AFAP1: variants seen among roughly 807,000 people sequenced by gnomAD.
AFAP1 encodes actin filament associated protein 1, also known as actin filament-associated protein 1.
AFAP1 carries 75 observed loss-of-function variants against 93.9 expected under a neutral mutation model. The ratio of observed to expected loss-of-function variants is 0.80; its 90% CI spans 0.66 to 0.97. AFAP1 has a LOEUF of 0.97. AFAP1 is among the 50% of genes least tolerant of loss of function. The pLI, the probability that AFAP1 is intolerant of heterozygous loss-of-function variation, is 0.00. For synonymous variants in AFAP1, 517 were observed against 430.7 expected (o/e 1.20, Z -2.48); for missense variants, 1,201 against 1,050.8 (o/e 1.14, Z -1.98).
chr4:7,818,966 C>CTT, intron 7 of AFAP1, 110 bp downstream of exon 7: 1 of 1,065,546 alleles, frequency 9.4e-7, no homozygotes, highest in East Asian at 2.7e-5. Flanking sequence ...TGCACTTTTT[C>CTT]TTTTTTAACT....
chr4:7,819,763 G>A (rs542411055), intron 6 of AFAP1, among the ~76,000 whole-genome samples: 1 of 152,288 alleles, frequency 6.6e-6, no homozygotes, highest in East Asian at 1.9e-4. Flanking sequence ...CCCAGGAGAA[G>A]ACAGACCCTA....
At chr4:7,818,265 G>C (rs570487600) in intron 7 of AFAP1, among the ~76,000 whole-genome samples, 97 of 152,228 alleles carry the variant, frequency 6.4e-4, no homozygotes, top group African/African-American at 2.3e-3. Flanking sequence ...CTCCGCCTGC[G>C]GCCCACACTG....
intron 1 of AFAP1, among the ~76,000 whole-genome samples, chr4:7,908,553 A>G (rs1239517437): frequency 6.6e-6 from 1 of 152,230 alleles, no homozygotes; most frequent in African/African-American, 2.4e-5. Context: ...TTAAATCTCA[A>G]CTTGTGGATT....
intron 11 of AFAP1, among the ~76,000 whole-genome samples, chr4:7,789,400 C>T (rs1347958203): frequency 4.8e-5 from 7 of 145,056 alleles, no homozygotes; most frequent in Non-Finnish European, 4.6e-5. Flanking sequence ...CCGCACCAGC[C>T]CCGGCTTTCC....
At chr4:7,859,022 C>T (rs532619653) in intron 3 of AFAP1, among the ~76,000 whole-genome samples, 4 of 152,320 alleles carry the variant, frequency 2.6e-5, no homozygotes, top group African/African-American at 9.6e-5. Context: ...CTCAACTCTC[C>T]GTCACTATCA....
intron 1 of AFAP1, among the ~76,000 whole-genome samples, chr4:7,927,601 G>A (rs749387858): frequency 2.0e-5 from 3 of 152,134 alleles, no homozygotes; most frequent in Non-Finnish European, 4.4e-5. Context: ...GAGGCAGGAG[G>A]ATCACTTGAG....
intron 1 of AFAP1, among the ~76,000 whole-genome samples, chr4:7,894,870 G>A: frequency 6.6e-6 from 1 of 152,216 alleles, no homozygotes; most frequent in South Asian, 2.1e-4. Flanking sequence ...ACGAGGGGAA[G>A]GAAGGGCCAT....
At chr4:7,768,612 G>A (rs1022031003) in intron 17 of AFAP1, among the ~76,000 whole-genome samples, 7 of 152,258 alleles carry the variant, frequency 4.6e-5, no homozygotes, top group Admixed American at 3.3e-4. Flanking sequence ...TGGCACTGGG[G>A]CTAAACGGTC....
chr4:7,913,504 T>C (rs950708200), intron 1 of AFAP1, among the ~76,000 whole-genome samples: 3 of 152,196 alleles, frequency 2.0e-5, no homozygotes, highest in Admixed American at 6.5e-5. Flanking sequence ...GCTTGAAAGT[T>C]TGAAAAACAT....
In AFAP1 at chr4:7,760,527, C is replaced by A; in HGVS notation, c.*3238G>T. ...GGAAGCCGAGGGAGAGAGCTACCAG[C>A]CTTGCAGACAGATGGGCCTTGCCCC... On this transcript the variant is annotated 3_prime_UTR_variant, in exon 18 of 18. Coordinates refer to ENST00000420658, the MANE Select transcript of AFAP1 (RefSeq NM_001134647.2). The A allele has an allele frequency of 6.6e-6, 1 of 152,396 alleles. No homozygotes were observed. The highest frequency in any genetic ancestry group is 1.5e-5 in the Non-Finnish European group (1 of 68,096). 9.4% of individuals were successfully genotyped at this position (152,396 alleles called of 1,614,324 possible). A position where few individuals can be genotyped will look rare whatever the true frequency, so the allele number is the denominator to read the frequency against.
At chr4:7,832,906 GAC>G (rs747804525) in intron 6 of AFAP1, among the ~76,000 whole-genome samples, 2 of 152,288 alleles carry the variant, frequency 1.3e-5, no homozygotes, top group South Asian at 4.1e-4. Flanking sequence ...GTGGGGAAAA[GAC>G]ACCCTTTTCA....
intron 6 of AFAP1, among the ~76,000 whole-genome samples, chr4:7,823,703 A>G (rs1721177174): frequency 6.6e-6 from 1 of 152,198 alleles, no homozygotes; most frequent in South Asian, 2.1e-4. Flanking sequence ...AATGCTTAGA[A>G]TGGGGAACAC....
At chr4:7,808,717 G>A (rs1719749441) in intron 9 of AFAP1, among the ~76,000 whole-genome samples, 1 of 152,178 alleles carries the variant, frequency 6.6e-6, no homozygotes, top group East Asian at 1.9e-4. Context: ...CTTGGGTCAT[G>A]GGAGCAGATC....
intron 9 of AFAP1, among the ~76,000 whole-genome samples, chr4:7,808,083 C>T (rs1719685447): frequency 6.6e-6 from 1 of 152,136 alleles, no homozygotes; most frequent in African/African-American, 2.4e-5. Context: ...GGGGTGGGGG[C>T]AACTAGAATG....
chr4:7,911,066 C>T (rs571639312), intron 1 of AFAP1, among the ~76,000 whole-genome samples: 1 of 152,240 alleles, frequency 6.6e-6, no homozygotes, highest in Non-Finnish European at 1.5e-5. Flanking sequence ...ACGGGACACA[C>T]AGCCCATCTG....
chr4:7,837,317 A>G (rs890113747), intron 6 of AFAP1, among the ~76,000 whole-genome samples: 5 of 152,152 alleles, frequency 3.3e-5, no homozygotes, highest in Admixed American at 3.3e-4. Flanking sequence ...ATGACGCAGA[A>G]CCTCTGGGAG....
At chr4:7,834,376 G>C (rs962861573) in intron 6 of AFAP1, among the ~76,000 whole-genome samples, 2 of 152,202 alleles carry the variant, frequency 1.3e-5, no homozygotes, top group African/African-American at 2.4e-5. Flanking sequence ...TGGGAAGGAG[G>C]TAAGGGATAA....
intron 16 of AFAP1, among the ~76,000 whole-genome samples, chr4:7,770,786 G>A (rs1438241596): frequency 6.6e-6 from 1 of 152,170 alleles, no homozygotes; most frequent in East Asian, 1.9e-4. Flanking sequence ...GCTCCTCAGA[G>A]CACTCCTGCC....
At chr4:7,820,293 G>A (rs937305963) in intron 6 of AFAP1, among the ~76,000 whole-genome samples, 1 of 152,164 alleles carries the variant, frequency 6.6e-6, no homozygotes, top group African/African-American at 2.4e-5. Flanking sequence ...CAGAGAAATG[G>A]GCTGGGTGGA....
Sources: gnomAD v4.1 joint callset for allele counts (sites outside exome capture counted in the v4.1 genomes callset) on GRCh38, gnomAD v4.1.1 for gene constraint, MANE v1.5 for transcripts, NCBI Gene and HGNC (gene_info 2026-07-23, HGNC 2026-07-21) for gene names.